The following KCNMA1 variants were observed in gnomAD, a reference collection of about 807,000 sequenced individuals.
KCNMA1 encodes the protein potassium calcium-activated channel subfamily M alpha 1, also known as Calcium-activated potassium channel subunit alpha-1.
Under a neutral mutation model 140.0 loss-of-function variants are expected in KCNMA1, and 29 were observed. That is an observed-to-expected ratio of 0.21 (90% CI 0.15 to 0.28). The LOEUF is 0.28. Among genes scored for constraint, KCNMA1 ranks in the 10% least tolerant of loss-of-function variants. KCNMA1 has a pLI of 1.00. For missense variants in KCNMA1, 880 were observed against 1,602.2 expected (o/e 0.55, Z 7.70); for synonymous variants, 612 against 611.9 (o/e 1.00, Z 0.00).
chr10:77,381,484 C>T (rs997056141), intron 2 of KCNMA1, among the ~76,000 whole-genome samples: 2 of 152,104 alleles, frequency 1.3e-5, no homozygotes, highest in African/African-American at 2.4e-5. Context: ...CTCCAGGCCT[C>T]GGTTTCCTTC....
chr10:77,532,862 G>T (rs1426505123), intron 1 of KCNMA1, among the ~76,000 whole-genome samples: 1 of 152,150 alleles, frequency 6.6e-6, no homozygotes, highest in East Asian at 1.9e-4. Flanking sequence ...CTCTATGAGA[G>T]ACTAACTTCT....
exon 28 of KCNMA1, chr10:76,871,960 C>A (rs529050745): frequency 6.6e-6 from 1 of 152,294 alleles, no homozygotes; most frequent in Non-Finnish European, 1.5e-5. Flanking sequence ...CCCACTCACT[C>A]CTTGTACAAA....
intron 1 of KCNMA1, among the ~76,000 whole-genome samples, chr10:77,605,121 A>G (rs1235774215): frequency 6.6e-6 from 1 of 152,254 alleles, no homozygotes; most frequent in African/African-American, 2.4e-5. Flanking sequence ...GGAACCACAG[A>G]GGGACATCCC....
intron 5 of KCNMA1, among the ~76,000 whole-genome samples, chr10:77,126,733 C>G (rs866751082): frequency 1.4e-5 from 2 of 142,238 alleles, no homozygotes; most frequent in African/African-American, 5.1e-5. Context: ...CCACCCCCCC[C>G]CCACCACCAC....
chr10:77,243,977 G>A (rs2057965655), intron 3 of KCNMA1, among the ~76,000 whole-genome samples: 1 of 152,190 alleles, frequency 6.6e-6, no homozygotes, highest in Non-Finnish European at 1.5e-5. Context: ...TTCCACCTGG[G>A]ATTATCTTTG....
intron 1 of KCNMA1, among the ~76,000 whole-genome samples, chr10:77,422,054 T>C (rs927488963): frequency 6.6e-6 from 1 of 152,254 alleles, no homozygotes; most frequent in African/African-American, 2.4e-5. Context: ...AGCTCAGAGA[T>C]AGCCTTCAGT....
In KCNMA1 at chr10:77,196,601, C is replaced by T. The variant is rs556300079; in HGVS notation, c.603-11685G>A. On this transcript the variant is annotated intron_variant, in intron 3 of 27. Transcript: ENST00000286628. ...GTTAATAGAATAGGAGGAAAAAGGA[C>T]TGTGGGAAGAGCTTCAATCTACTAA... Among the ~76,000 whole-genome samples, 9 of 152,228 alleles carry T rather than the reference C, an allele frequency of 5.9e-5. No individual in the cohort carries two copies. The South Asian group carries it at 1.2e-3, about 21-fold the overall frequency.
At chr10:77,405,000 A>C (rs138739289) in intron 1 of KCNMA1, among the ~76,000 whole-genome samples, 22 of 152,340 alleles carry the variant, frequency 1.4e-4, no homozygotes, top group African/African-American at 5.1e-4. Context: ...TGAAATCTAC[A>C]CCAGACCTTT....
In KCNMA1 at chr10:77,121,052, GA is replaced by G. The variant is rs1461908584; in HGVS notation, c.809-5del. The G allele has an allele frequency of 2.5e-6, 4 of 1,569,760 alleles. No individual in the cohort carries two copies. Among genetic ancestry groups the G allele is most frequent in the African/African-American group, 1.3e-5 (1 of 74,074 alleles). On this transcript the variant is annotated splice_region_variant and splice_polypyrimidine_tract_variant and intron_variant, in intron 5 of 27. Coordinates refer to ENST00000286628, the MANE Select transcript of KCNMA1 (RefSeq NM_001161352.2). ...AGAGCTCTTAAAAATCTCAAACCTG[GA>G]AAAAAGAATGAAATAGAGATGCATT...
At chr10:77,553,366 C>T (rs2063328125) in intron 1 of KCNMA1, among the ~76,000 whole-genome samples, 1 of 152,158 alleles carries the variant, frequency 6.6e-6, no homozygotes. Context: ...TCCTCTCCTG[C>T]TGCAGCAAGG....
rs182454053 is a variant in KCNMA1, at chr10:77,449,036, G to A, written c.379-45013C>T. 2.3e-3 allele frequency among the ~76,000 whole-genome samples: 348 copies of A among 150,360 alleles called. 3 individuals are homozygous for A. Among genetic ancestry groups the A allele is most frequent in the African/African-American group, 8.3e-3 (338 of 40,900 alleles). The stretch of plus-strand genomic sequence containing the variant: ...CAGGAGGTGGAGGTTGCAGTGAGCC[G>A]AGATCGCATCACTGCACTCCAGCCT... On this transcript the variant is annotated intron_variant, in intron 1 of 27. Transcript: ENST00000286628.
intron 1 of KCNMA1, among the ~76,000 whole-genome samples, chr10:77,410,363 A>C (rs2096591668): frequency 6.6e-6 from 1 of 152,086 alleles, no homozygotes; most frequent in South Asian, 2.1e-4. Context: ...CACCTGCTGG[A>C]TGACTGCCTC....
intron 3 of KCNMA1, among the ~76,000 whole-genome samples, chr10:77,220,496 T>TTTGTC (rs1599084486): frequency 1.3e-5 from 2 of 152,236 alleles, no homozygotes; most frequent in South Asian, 2.1e-4. Context: ...CCTTGTCATT[T>TTTGTC]ATTTTTTAAA....
intron 1 of KCNMA1, among the ~76,000 whole-genome samples, chr10:77,466,758 C>T (rs1055320763): frequency 1.3e-5 from 2 of 152,114 alleles, no homozygotes; most frequent in Non-Finnish European, 2.9e-5. Context: ...CTGTGCAGGA[C>T]ATTTCCGTCT....
At chr10:77,483,411 C>A (rs976260782) in intron 1 of KCNMA1, among the ~76,000 whole-genome samples, 6 of 152,178 alleles carry the variant, frequency 3.9e-5, no homozygotes, top group African/African-American at 1.4e-4. Context: ...GTGACACAGG[C>A]TCTCACTTCA....
At position 77,559,696 on chromosome 10, in the gene KCNMA1, GA is replaced by G. The variant is rs571982591; in HGVS notation, c.378+77568del. 8.7e-5 allele frequency among the ~76,000 whole-genome samples: 13 copies of G among 149,970 alleles called. No homozygotes were observed. The East Asian group carries it at 1.8e-3, about 20-fold the overall frequency. ...CTGAGTCTATGTGTGTTTTTGAGAG[GA>G]AAAAAAAATGCTTCTGGTTTCACCT... On this transcript the variant is annotated intron_variant, in intron 1 of 27. Transcript: ENST00000286628.
chr10:76,983,062 C>A (rs181670319), intron 19 of KCNMA1, among the ~76,000 whole-genome samples: 3 of 152,350 alleles, frequency 2.0e-5, no homozygotes. Flanking sequence ...TCCAGCTGAT[C>A]CCATCCCCTC....
intron 2 of KCNMA1, among the ~76,000 whole-genome samples, chr10:77,358,069 A>T (rs2093647975): frequency 6.6e-6 from 1 of 152,220 alleles, no homozygotes. Context: ...GCACAATATA[A>T]GAAAAAGATG....
intron 26 of KCNMA1, chr10:76,891,308 A>G: frequency 5.1e-6 from 3 of 585,588 alleles, no homozygotes; most frequent in South Asian, 2.0e-5. Context: ...ACTAGAACTT[A>G]TATCAAAGGG....
Sources: allele counts gnomAD v4.1 joint callset (sites outside exome capture counted in the v4.1 genomes callset), GRCh38; gene constraint gnomAD v4.1.1; transcripts MANE v1.5; gene names NCBI Gene and HGNC (gene_info 2026-07-23, HGNC 2026-07-21).